ZNF692: variants seen among roughly 807,000 people sequenced by gnomAD.
ZNF692 encodes zinc finger protein 692.
Under a neutral mutation model 49.0 loss-of-function variants are expected in ZNF692, and 41 were observed. The observed-to-expected ratio is 0.84, with a 90% CI of 0.65 to 1.08. ZNF692 has a LOEUF of 1.08. ZNF692 is among the 50% of genes least tolerant of loss of function. ZNF692 has a pLI of 0.00. For missense variants in ZNF692, 662 were observed against 662.2 expected (o/e 1.00, Z 0.00); for synonymous variants, 288 against 251.5 (o/e 1.15, Z -1.37).
At position 248,853,951 on chromosome 1, in the gene ZNF692, A is replaced by T; in HGVS notation, c.1139T>A (p.Met380Lys). 1 of 1,613,974 alleles carries T rather than the reference A, an allele frequency of 6.2e-7. No individual in the cohort carries two copies. Among genetic ancestry groups the T allele is most frequent in the Non-Finnish European group, 8.5e-7 (1 of 1,179,866 alleles). The change falls in exon 10 of 12, where the codon ATG (methionine) becomes AAG (lysine). Residue 380 changes from methionine (M) to lysine (K), a missense_variant. By Grantham distance (95) the Met-to-Lys change is moderately conservative. Transcript: ENST00000306601. The part of the protein sequence containing the change: ...FNFKKHLKEH[M>K]KLHSDTRDYI... ...CCACCACTCACCACTGTGCAGCTTC[A>T]TGTGCTCCTTCAGGTGTTTCTTAAA...
chr1:248,857,763 T>C, intron 3 of ZNF692, 65 bp downstream of exon 3: 1 of 1,581,404 alleles, frequency 6.3e-7, no homozygotes, highest in East Asian at 2.3e-5. Context: ...GAAAGGAGGG[T>C]GTTTCTGGGT....
At position 248,850,196 on chromosome 1, in the gene ZNF692, A is replaced by T; in HGVS notation, c.*14T>A. On this transcript the variant is annotated 3_prime_UTR_variant, in exon 12 of 12. Transcript: ENST00000306601. Reference sequence around the variant, plus strand: ...CTGGAGTCTGGCTTCCCAAAGCCAAAGCTGGAGGAGAGCTCATTGCTGAGG... The same window carrying T: ...CTGGAGTCTGGCTTCCCAAAGCCAATGCTGGAGGAGAGCTCATTGCTGAGG... The T allele has an allele frequency of 6.6e-7, 1 of 1,509,994 alleles. No individual in the cohort carries two copies. The highest frequency in any genetic ancestry group is 8.9e-7 in the Non-Finnish European group (1 of 1,129,230). The allele number at this position is 1,509,994 out of a possible 1,614,324, so 93.5% of individuals were successfully genotyped here. A position where few individuals can be genotyped will look rare whatever the true frequency, so the allele number is the denominator to read the frequency against.
chr1:248,858,923 C>T lies in ZNF692; in HGVS notation c.-18G>A. The T allele has an allele frequency of 4.3e-6, 1 of 230,226 alleles. No individual in the cohort carries two copies. The highest frequency in any genetic ancestry group is 8.7e-6 in the Non-Finnish European group (1 of 114,524). The allele number at this position is 230,226 out of a possible 1,614,324, so 14.3% of individuals were successfully genotyped here. A position where few individuals can be genotyped will look rare whatever the true frequency, so the allele number is the denominator to read the frequency against. On this transcript the variant is annotated 5_prime_UTR_variant, in exon 1 of 12. Coordinates refer to ENST00000306601, the MANE Select transcript of ZNF692 (RefSeq NM_017865.4). This position sits in a 1 kb window ranked among gnomAD's most constrained non-coding sequence, Gnocchi z 4.3. ...CACCCCCACCCCGGCCTTACCTGTG[C>T]GCCCCCACGCGCCCTCACCCCCACT...
At chr1:248,853,711 G>A (rs965144548) in intron 10 of ZNF692, among the ~76,000 whole-genome samples, 1 of 152,162 alleles carries the variant, frequency 6.6e-6, no homozygotes, top group African/African-American at 2.4e-5. Context: ...TCTGTTCATT[G>A]CTGTACCCAG....
At chr1:248,853,362 C>G (rs376600257) in intron 10 of ZNF692, among the ~76,000 whole-genome samples, 3 of 152,186 alleles carry the variant, frequency 2.0e-5, no homozygotes, top group African/African-American at 7.2e-5. Context: ...CAAGACTCTG[C>G]GATGGCACCC....
chr1:248,858,783 T>C lies in ZNF692; in HGVS notation c.-13+135A>G, dbSNP rs1380118038. The C allele has an allele frequency of 1.2e-5, 7 of 596,374 alleles. No homozygotes were observed. The East Asian group carries it at 2.0e-4, about 17-fold the overall frequency. 36.9% of individuals were successfully genotyped at this position (596,374 alleles called of 1,614,324 possible). ...GGCGGTGAGGCCGTGGTCAGAGGTC[T>C]GGAGGGCGCCCCCCATCCACCCCGT... On this transcript the variant is annotated intron_variant, in intron 1 of 11. Transcript: ENST00000306601. The surrounding 1 kb of genome is among the most constrained non-coding windows in gnomAD (Gnocchi z 4.3).
rs1273385870 is a variant in ZNF692, at chr1:248,858,110, G to A, written c.179+21C>T. The A allele has an allele frequency of 1.9e-6, 3 of 1,557,506 alleles. No individual in the cohort carries two copies. Among genetic ancestry groups the A allele is most frequent in the Non-Finnish European group, 2.6e-6 (3 of 1,155,116 alleles). On this transcript the variant is annotated intron_variant, in intron 2 of 11. Transcript: ENST00000306601. The surrounding 1 kb of genome is among the most constrained non-coding windows in gnomAD (Gnocchi z 4.3). Reference sequence around the variant, plus strand: ...CTGCTGCCTGGGTACCCTCCCCCAAGCCCTTCTCCCGGCCCCTAACCGGTC... The same window carrying A: ...CTGCTGCCTGGGTACCCTCCCCCAAACCCTTCTCCCGGCCCCTAACCGGTC...
chr1:248,854,823 C>G (rs958701002), intron 9 of ZNF692, among the ~76,000 whole-genome samples: 3 of 152,138 alleles, frequency 2.0e-5, no homozygotes, highest in African/African-American at 2.4e-5. Context: ...CCCTGTCATC[C>G]CGGGTCATTT....
chr1:248,857,566 C>T, intron 3 of ZNF692, 69 bp from the exon 4 acceptor site: 1 of 1,545,048 alleles, frequency 6.5e-7, no homozygotes, highest in Non-Finnish European at 8.7e-7. Flanking sequence ...AGAGCCATAC[C>T]CAGGGAGCCC....
chr1:248,857,838 G>T lies in ZNF692; in HGVS notation c.201C>A (p.Val67=). ...CCATCCCCTACCTACCTGCACAGAG[G>T]ACACAGCCTGAAGAAGTGTACCTGC... ...LLDRYTSSGC[V]LCAGPEPLPP... Residue 67 remains valine (V), a synonymous_variant, in exon 3 of 12, where the codon GTC becomes GTA. Transcript: ENST00000306601. The T allele has an allele frequency of 6.2e-6, 10 of 1,613,992 alleles. No individual in the cohort carries two copies. The highest frequency in any genetic ancestry group is 7.6e-6 in the Non-Finnish European group (9 of 1,179,936).
At chr1:248,855,517 C>A in intron 8 of ZNF692, 41 bp downstream of exon 8, 1 of 1,613,920 alleles carries the variant, frequency 6.2e-7, no homozygotes, top group Non-Finnish European at 8.5e-7. Flanking sequence ...CTGCCTCCCT[C>A]CTCTCGGCCC....
At chr1:248,856,044 G>T (rs990320221) in intron 6 of ZNF692, 98 bp from the exon 7 acceptor site, 1 of 1,354,828 alleles carries the variant, frequency 7.4e-7, no homozygotes, top group Non-Finnish European at 1.0e-6. Flanking sequence ...TCTCAAACTT[G>T]AAACAACCCT....
At chr1:248,856,996 C>A (rs1431806290) in intron 4 of ZNF692, among the ~76,000 whole-genome samples, 1 of 152,194 alleles carries the variant, frequency 6.6e-6, no homozygotes, top group Admixed American at 6.5e-5. Context: ...CAAGTACTTA[C>A]ACATACACAC....
chr1:248,851,433 T>A (rs767182970), intron 10 of ZNF692, among the ~76,000 whole-genome samples: 3 of 152,076 alleles, frequency 2.0e-5, no homozygotes, highest in Non-Finnish European at 4.4e-5. Flanking sequence ...GCTGCTGTGG[T>A]TTCTCTAACC....
At position 248,857,381 on chromosome 1, in the gene ZNF692, GC is replaced by G. The variant is rs1558259895; in HGVS notation, c.327del (p.Val111CysfsTer16). 21 of 1,614,024 alleles carry G rather than the reference GC, an allele frequency of 1.3e-5. No individual in the cohort carries two copies. The highest frequency in any genetic ancestry group is 2.2e-5 in the East Asian group (1 of 44,894). On this transcript the variant is annotated frameshift_variant, in exon 4 of 12. Coordinates refer to ENST00000306601, the MANE Select transcript of ZNF692 (RefSeq NM_017865.4). LOFTEE classifies it high-confidence loss of function. ...TGGCCTGCTGAGCACTCCCACACAA[GC>G]CCCCCATCTTGGCCGCCAGGCCCCC... ...GLRGPGGQDG[G>X]LVWECSAGHT...
In ZNF692 at chr1:248,858,694, C is replaced by G. The variant is rs890636387; in HGVS notation, c.-13+224G>C. The G allele has an allele frequency of 1.2e-6, 1 of 820,022 alleles. No homozygotes were observed. The highest frequency in any genetic ancestry group is 1.7e-5 in the African/African-American group (1 of 59,070). 50.8% of individuals were successfully genotyped at this position (820,022 alleles called of 1,614,324 possible). ...ATAGGGCAGCGGCCTTTACTGGTTT[C>G]TAGGGGAAGGAAAGGTCGTGTCCTG... On this transcript the variant is annotated intron_variant, in intron 1 of 11. Transcript: ENST00000306601. This position sits in a 1 kb window ranked among gnomAD's most constrained non-coding sequence, Gnocchi z 4.3.
intron 4 of ZNF692, 73 bp from the exon 5 acceptor site, chr1:248,856,635 C>A: frequency 1.3e-6 from 2 of 1,578,490 alleles, no homozygotes; most frequent in South Asian, 1.1e-5. Flanking sequence ...GTTCTAAGGT[C>A]TGAAGTGATG....
Position 248,857,128 on chromosome 1 carries a change from T to A in ZNF692, c.475+106A>T. Reference sequence around the variant, plus strand: ...ATGATATATTTGTCAAGATAGAGTTTTTCCATTGAAAAAGGATCATTTTTA... The same window carrying A: ...ATGATATATTTGTCAAGATAGAGTTATTCCATTGAAAAAGGATCATTTTTA... On this transcript the variant is annotated intron_variant, in intron 4 of 11. Coordinates refer to ENST00000306601, the MANE Select transcript of ZNF692 (RefSeq NM_017865.4). 2.5e-6 allele frequency: 3 copies of A among 1,219,670 alleles called. No individual in the cohort carries two copies. In the South Asian group the frequency reaches 4.5e-5, roughly 18 times the overall value. 75.6% of individuals were successfully genotyped at this position (1,219,670 alleles called of 1,614,324 possible). A position where few individuals can be genotyped will look rare whatever the true frequency, so the allele number is the denominator to read the frequency against.
At position 248,858,321 on chromosome 1, in the gene ZNF692, G is replaced by T. The variant is rs774068080; in HGVS notation, c.-12C>A. ...GGGGAGGAAGCCATGTGCACCAGAG[G>T]CTGGAGGGTGGAAGGGACGTCTTCA... On this transcript the variant is annotated splice_region_variant and 5_prime_UTR_variant, in exon 2 of 12. Transcript: ENST00000306601. The surrounding 1 kb of genome is among the most constrained non-coding windows in gnomAD (Gnocchi z 4.3). The T allele has an allele frequency of 3.2e-6, 5 of 1,551,062 alleles. No homozygotes were observed. Among genetic ancestry groups the T allele is most frequent in the Admixed American group, 1.9e-5 (1 of 53,270 alleles).
Sources: allele counts gnomAD v4.1 joint callset (sites outside exome capture counted in the v4.1 genomes callset), GRCh38; gene constraint gnomAD v4.1.1; non-coding constraint Gnocchi (gnomAD v3.1); transcripts MANE v1.5; gene names NCBI Gene and HGNC (gene_info 2026-07-23, HGNC 2026-07-21).